FERRY3: variants seen among roughly 807,000 people sequenced by gnomAD.
The protein encoded by FERRY3 is FERRY endosomal RAB5 effector complex subunit 3.
At chr12:4,515,054 C>A in the FERRY3 span, among the ~76,000 whole-genome samples, 1 of 152,048 alleles carries the variant, frequency 6.6e-6, no homozygotes, top group South Asian at 2.1e-4. Context: ...ACATTGTGCA[C>A]ATGTACCCTA....
At chr12:4,499,217 T>G in the FERRY3 span, among the ~76,000 whole-genome samples, 2 of 152,192 alleles carry the variant, frequency 1.3e-5, no homozygotes, top group African/African-American at 2.4e-5. Flanking sequence ...TTTCACCATG[T>G]TGCTCAGGCT....
At chr12:4,505,129 G>A in the FERRY3 span, among the ~76,000 whole-genome samples, 1 of 152,058 alleles carries the variant, frequency 6.6e-6, no homozygotes, top group African/African-American at 2.4e-5. Flanking sequence ...AAATAATTAA[G>A]TTTAACACTG....
chr12:4,500,047 A>T, the FERRY3 span: 1 of 1,271,160 alleles, frequency 7.9e-7, no homozygotes, highest in Non-Finnish European at 1.1e-6. Flanking sequence ...GTTTAAAAAA[A>T]TGTAAAGTGG....
the FERRY3 span, among the ~76,000 whole-genome samples, chr12:4,506,430 T>G: frequency 6.6e-6 from 1 of 152,192 alleles, no homozygotes; most frequent in East Asian, 1.9e-4. Flanking sequence ...ATGCACATAT[T>G]TTATAAATCA....
chr12:4,508,483 G>A, the FERRY3 span, among the ~76,000 whole-genome samples: 1 of 152,168 alleles, frequency 6.6e-6, no homozygotes, highest in African/African-American at 2.4e-5. Context: ...AGTGGCTCAT[G>A]CCTGTAATCC....
At chr12:4,514,853 C>T in the FERRY3 span, among the ~76,000 whole-genome samples, 1 of 151,874 alleles carries the variant, frequency 6.6e-6, no homozygotes, top group East Asian at 1.9e-4. Context: ...CTAACCTGCA[C>T]AATGTGCACA....
At chr12:4,491,467 AT>A in the FERRY3 span, among the ~76,000 whole-genome samples, 2,503 of 152,248 alleles carry the variant, frequency 0.016, 76 homozygotes, top group African/African-American at 0.056. Context: ...CAGTTAAAAA[AT>A]ATATATATCC....
the FERRY3 span, chr12:4,488,772 G>A: frequency 6.6e-6 from 1 of 152,166 alleles, no homozygotes; most frequent in East Asian, 1.9e-4. This position sits in a 1 kb window ranked among gnomAD's most constrained non-coding sequence, Gnocchi z 4.9. Context: ...ACTTGGAATT[G>A]ATGAAACTAT....
At chr12:4,533,156 AT>A in the FERRY3 span, among the ~76,000 whole-genome samples, 1 of 152,202 alleles carries the variant, frequency 6.6e-6, no homozygotes, top group Non-Finnish European at 1.5e-5. Context: ...AATTATCTGA[AT>A]TTATATCCAA....
At chr12:4,498,087 T>C in the FERRY3 span, among the ~76,000 whole-genome samples, 1 of 152,230 alleles carries the variant, frequency 6.6e-6, no homozygotes, top group Non-Finnish European at 1.5e-5. Context: ...ACAAACTTAA[T>C]GTTCTGCAGC....
the FERRY3 span, among the ~76,000 whole-genome samples, chr12:4,503,066 G>A: frequency 1.3e-5 from 2 of 152,194 alleles, no homozygotes; most frequent in African/African-American, 2.4e-5. Flanking sequence ...TTCAGATGAT[G>A]GAAGTCATAG....
the FERRY3 span, among the ~76,000 whole-genome samples, chr12:4,530,347 G>A: frequency 2.0e-5 from 3 of 152,162 alleles, no homozygotes; most frequent in African/African-American, 7.2e-5. Context: ...AGCTTATGCT[G>A]TGACCTCATT....
chr12:4,502,507 GA>G, the FERRY3 span: 1 of 415,388 alleles, frequency 2.4e-6, no homozygotes, highest in Non-Finnish European at 4.7e-6. The surrounding 1 kb of genome is among the most constrained non-coding windows in gnomAD (Gnocchi z 4.2). Flanking sequence ...AAATAAAATA[GA>G]AAACATAGAA....
chr12:4,487,855 T>C, the FERRY3 span: 2 of 152,122 alleles, frequency 1.3e-5, no homozygotes, highest in Non-Finnish European at 2.9e-5. Flanking sequence ...CTTCACATCA[T>C]TCATGAAGTG....
chr12:4,525,271 G>C, the FERRY3 span: 1 of 1,613,220 alleles, frequency 6.2e-7, no homozygotes, highest in Non-Finnish European at 8.5e-7. Flanking sequence ...AGCTGTTGTT[G>C]GGGTTTTTTA....
chr12:4,522,013 T>C, the FERRY3 span, among the ~76,000 whole-genome samples: 1 of 152,198 alleles, frequency 6.6e-6, no homozygotes, highest in Non-Finnish European at 1.5e-5. Context: ...TTGTCCAAAC[T>C]GACAGAATAT....
chr12:4,490,497 GGT>G, the FERRY3 span: 8 of 1,537,888 alleles, frequency 5.2e-6, no homozygotes, highest in Non-Finnish European at 7.1e-6. Flanking sequence ...ATTAAATTGG[GGT>G]GAGATCTATT....
At chr12:4,491,422 T>G in the FERRY3 span, among the ~76,000 whole-genome samples, 1 of 152,170 alleles carries the variant, frequency 6.6e-6, no homozygotes, top group Non-Finnish European at 1.5e-5. Flanking sequence ...ACTATACTTG[T>G]GGAATACAAA....
At chr12:4,537,585 A>G in the FERRY3 span, among the ~76,000 whole-genome samples, 1 of 152,204 alleles carries the variant, frequency 6.6e-6, no homozygotes, top group Non-Finnish European at 1.5e-5. Context: ...TATAAAAAAA[A>G]CTCAAAGGAC....
Sources: gnomAD v4.1 joint callset for allele counts (sites outside exome capture counted in the v4.1 genomes callset) on GRCh38, gnomAD v4.1.1 for gene constraint, Gnocchi (gnomAD v3.1) non-coding constraint, MANE v1.5 for transcripts, NCBI Gene and HGNC (gene_info 2026-07-23, HGNC 2026-07-21) for gene names.